NR4A3: variants seen among roughly 807,000 people sequenced by gnomAD.
NR4A3 encodes the protein nuclear receptor subfamily 4 group A member 3, also known as chondrosarcoma, extraskeletal myxoid, fused to EWS.
In NR4A3, 13 loss-of-function variants were observed where a neutral mutation model predicts 55.6. That is an observed-to-expected ratio of 0.23 (90% CI 0.15 to 0.37). NR4A3 has a LOEUF of 0.37. Ranked by LOEUF, NR4A3 falls within the 10% of genes least tolerant of loss-of-function variation. The probability of loss-of-function intolerance (pLI) is 1.00; values close to 1 mark genes in which losing one functional copy is unlikely to be tolerated. For synonymous variants in NR4A3, 342 were observed against 357.9 expected (o/e 0.96, Z 0.50); for missense variants, 646 against 822.8 (o/e 0.79, Z 2.63).
Position 99,866,883 on chromosome 9 carries a change from A to G in NR4A3, c.*3016A>G, listed in dbSNP as rs1828109695. On this transcript the variant is annotated 3_prime_UTR_variant, in exon 8 of 8. Coordinates refer to ENST00000395097, the MANE Select transcript of NR4A3 (RefSeq NM_006981.4). ...AATTTAAATGATTAAATTACATTTT[A>G]TCAATGGCTACTGGTGTATTGAATA... 1.1e-5 allele frequency: 2 copies of G among 189,118 alleles called. No individual in the cohort carries two copies. Among genetic ancestry groups the G allele is most frequent in the East Asian group, 1.7e-4 (2 of 11,810 alleles). 11.7% of individuals were successfully genotyped at this position (189,118 alleles called of 1,614,324 possible).
chr9:99,835,197 A>G (rs139955083), intron 5 of NR4A3, among the ~76,000 whole-genome samples: 57 of 152,320 alleles, frequency 3.7e-4, no homozygotes, highest in East Asian at 7.7e-4. Flanking sequence ...CATTTGTTCA[A>G]TGTCCTAATG....
chr9:99,852,251 T>C (rs1302299666), intron 7 of NR4A3, among the ~76,000 whole-genome samples: 2 of 152,174 alleles, frequency 1.3e-5, no homozygotes, highest in Non-Finnish European at 2.9e-5. Flanking sequence ...CAGTACAGTT[T>C]AGGGTTAAAA....
At position 99,833,751 on chromosome 9, in the gene NR4A3, A is replaced by G. The variant is rs545886588; in HGVS notation, c.1254+297A>G. ...ATGAAAATCTGCACAGACAAACTAC[A>G]ATTTGTAGATTTATCTCGTGATCTA... On this transcript the variant is annotated intron_variant, in intron 5 of 7. Coordinates refer to ENST00000395097, the MANE Select transcript of NR4A3 (RefSeq NM_006981.4). The G allele has an allele frequency of 5.6e-5, 80 of 1,420,744 alleles. No individual in the cohort carries two copies. In the East Asian group the frequency reaches 2.1e-3, roughly 37 times the overall value. The allele number at this position is 1,420,744 out of a possible 1,614,324, so 88.0% of individuals were successfully genotyped here.
chr9:99,829,268 A>G (rs1382855756), intron 3 of NR4A3, among the ~76,000 whole-genome samples: 1 of 152,208 alleles, frequency 6.6e-6, no homozygotes, highest in Non-Finnish European at 1.5e-5. Flanking sequence ...AGCTTTCAGC[A>G]GAGTCTTAAA....
rs975795947 is a variant in NR4A3, at chr9:99,864,819, C to T, written c.*952C>T. 5 of 221,056 alleles carry T rather than the reference C, an allele frequency of 2.3e-5. No individual in the cohort carries two copies. The highest frequency in any genetic ancestry group is 4.5e-5 in the Non-Finnish European group (5 of 110,176). 13.7% of individuals were successfully genotyped at this position (221,056 alleles called of 1,614,324 possible). A position where few individuals can be genotyped will look rare whatever the true frequency, so the allele number is the denominator to read the frequency against. On this transcript the variant is annotated 3_prime_UTR_variant, in exon 8 of 8. Transcript: ENST00000395097. ...ACTGACTGGTATATTCATTCAGAAG[C>T]GCCATAAGTCAGTTGAGTATTTGAT...
intron 7 of NR4A3, among the ~76,000 whole-genome samples, chr9:99,859,335 T>C (rs202093919): frequency 2.0e-5 from 3 of 152,186 alleles, no homozygotes; most frequent in Non-Finnish European, 4.4e-5. Context: ...AACTAAAATG[T>C]CAGTGATTAG....
chr9:99,848,894 G>A (rs182825375), intron 7 of NR4A3, among the ~76,000 whole-genome samples: 427 of 152,320 alleles, frequency 2.8e-3, no homozygotes, highest in Middle Eastern at 6.8e-3. Context: ...CTGGGGCCTG[G>A]GGAGGTGGTG....
intron 5 of NR4A3, among the ~76,000 whole-genome samples, chr9:99,835,728 G>C (rs1208557802): frequency 1.3e-5 from 2 of 152,278 alleles, no homozygotes; most frequent in South Asian, 2.1e-4. Flanking sequence ...AGCACTTTGA[G>C]TTGTCCCAGC....
intron 7 of NR4A3, among the ~76,000 whole-genome samples, chr9:99,852,342 C>T (rs1189950676): frequency 6.6e-6 from 1 of 152,114 alleles, no homozygotes; most frequent in African/African-American, 2.4e-5. Context: ...ATTAAGAGTG[C>T]AGGCTATTGC....
rs149392913 is a variant in NR4A3, at chr9:99,848,502, G to T, written c.1633+887G>T. 2.5e-3 allele frequency among the ~76,000 whole-genome samples: 382 copies of T among 152,070 alleles called. 2 individuals are homozygous for T. Among genetic ancestry groups the T allele is most frequent in the African/African-American group, 8.7e-3 (362 of 41,484 alleles). On this transcript the variant is annotated intron_variant, in intron 7 of 7. Coordinates refer to ENST00000395097, the MANE Select transcript of NR4A3 (RefSeq NM_006981.4). The stretch of plus-strand genomic sequence containing the variant: ...TGGGATTACAGGTACCTGCCACCAT[G>T]CCCGGCTAATTTTTGTATCTTTAGT...
In NR4A3 at chr9:99,828,694, GCTGCCGCGCTCAGC is replaced by G; in HGVS notation, c.660_673del (p.Leu221GlyfsTer14). On this transcript the variant is annotated frameshift_variant, in exon 3 of 8. Transcript: ENST00000395097. LOFTEE classifies it high-confidence loss of function. The surrounding 1 kb of genome is among the most constrained non-coding windows in gnomAD (Gnocchi z 7.7). ...CCACCTCGGCTACGACCCGACGGCCGCTGCCGCGCTCAGCCTGCCGCTGGGAGCCGCAGCCGCCG... is the reference window on the plus strand; with the variant it reads ...CCACCTCGGCTACGACCCGACGGCCGCTGCCGCTGGGAGCCGCAGCCGCCG... 2 of 1,330,126 alleles carry G rather than the reference GCTGCCGCGCTCAGC, an allele frequency of 1.5e-6. No individual in the cohort carries two copies. The highest frequency in any genetic ancestry group is 1.9e-6 in the Non-Finnish European group (2 of 1,047,702). The allele number at this position is 1,330,126 out of a possible 1,614,324, so 82.4% of individuals were successfully genotyped here.
intron 7 of NR4A3, among the ~76,000 whole-genome samples, chr9:99,862,034 C>T (rs947347502): frequency 5.3e-5 from 8 of 151,150 alleles, no homozygotes; most frequent in African/African-American, 1.7e-4. Context: ...TTCCAGGCTA[C>T]AGTGAACCAT....
At chr9:99,833,513 T>C (rs1383710673) in intron 5 of NR4A3, 59 bp downstream of exon 5, 5 of 1,613,788 alleles carry the variant, frequency 3.1e-6, no homozygotes, top group Non-Finnish European at 3.4e-6. Context: ...TTATGGCTAC[T>C]AGTAATAAGA....
chr9:99,857,234 A>G lies in NR4A3; in HGVS notation c.1634-6386A>G, dbSNP rs1244356105. On this transcript the variant is annotated intron_variant, in intron 7 of 7. Transcript: ENST00000395097. ...GGGGAAGAAATTGTTAGAGATGATT[A>G]TAAGAGTGATGTGAAAGGCTGTAAT... Among the ~76,000 whole-genome samples, 4 of 152,274 alleles carry G rather than the reference A, an allele frequency of 2.6e-5. No homozygotes were observed. The South Asian group carries it at 6.2e-4, about 24-fold the overall frequency.
chr9:99,832,894 A>T (rs1827474620), intron 4 of NR4A3, 76 bp downstream of exon 4: 1 of 1,291,680 alleles, frequency 7.7e-7, no homozygotes. Context: ...TAATATTTAC[A>T]TTGGGATGGT....
chr9:99,849,343 A>T (rs1241477812), intron 7 of NR4A3, among the ~76,000 whole-genome samples: 1 of 152,080 alleles, frequency 6.6e-6, no homozygotes, highest in Non-Finnish European at 1.5e-5. Flanking sequence ...TCTTTGGTCC[A>T]GGATGAGAAA....
intron 7 of NR4A3, among the ~76,000 whole-genome samples, chr9:99,852,568 T>C (rs1283514891): frequency 6.6e-6 from 1 of 152,106 alleles, no homozygotes. Flanking sequence ...ATAGGGGAAA[T>C]AAGATTGGAA....
chr9:99,852,162 A>G lies in NR4A3; in HGVS notation c.1633+4547A>G, dbSNP rs138422000. 1.1e-3 allele frequency among the ~76,000 whole-genome samples: 168 copies of G among 152,346 alleles called. 2 individuals carry two copies. The South Asian group carries it at 0.03, about 27-fold the overall frequency. ...GTCATGAATGACTTCCCAAAGAGGT[A>G]GCATCTAGACATGAGAAGACATAAA... On this transcript the variant is annotated intron_variant, in intron 7 of 7. Transcript: ENST00000395097.
chr9:99,840,648 G>GAATAAACTGGA (rs1827635226), intron 5 of NR4A3, among the ~76,000 whole-genome samples: 1 of 152,166 alleles, frequency 6.6e-6, no homozygotes, highest in African/African-American at 2.4e-5. Context: ...CTGTTCCAGA[G>GAATAAACTGGA]ACTGAAACTG....
Sources: allele counts gnomAD v4.1 joint callset (sites outside exome capture counted in the v4.1 genomes callset), GRCh38; gene constraint gnomAD v4.1.1; non-coding constraint Gnocchi (gnomAD v3.1); transcripts MANE v1.5; gene names NCBI Gene and HGNC (gene_info 2026-07-23, HGNC 2026-07-21).